Variants in WWOX observed in about 807,000 individuals in gnomAD.
WWOX encodes WW domain-containing oxidoreductase.
WWOX carries 69 observed loss-of-function variants against 46.2 expected under a neutral mutation model. That is an observed-to-expected ratio of 1.49 (90% confidence interval 1.23 to 1.82). The LOEUF is 1.82. WWOX is among the 40% of genes most tolerant of loss of function. The pLI is 0.00. For missense variants in WWOX, 919 were observed against 542.6 expected (o/e 1.69, Z -6.89); for synonymous variants, 359 against 202.6 (o/e 1.77, Z -6.56).
At chr16:78,700,960 G>T (rs1467151631) in intron 8 of WWOX, among the ~76,000 whole-genome samples, 1 of 152,194 alleles carries the variant, frequency 6.6e-6, no homozygotes, top group Admixed American at 6.5e-5. Flanking sequence ...CTCTCAGTGG[G>T]TGTTGTAGGG....
intron 8 of WWOX, among the ~76,000 whole-genome samples, chr16:78,817,036 A>G (rs111743225): frequency 0.044 from 6,736 of 152,174 alleles, 190 homozygotes; most frequent in Non-Finnish European, 0.064. Flanking sequence ...TTTTGATCCC[A>G]CAGTCTGAAG....
chr16:78,436,645 G>A lies in WWOX; in HGVS notation c.1056+3893G>A, dbSNP rs182695250. Among the ~76,000 whole-genome samples, 327 of 152,252 alleles carry A rather than the reference G, an allele frequency of 2.1e-3. 1 individual carries two copies. The highest frequency in any genetic ancestry group is 3.9e-3 in the Non-Finnish European group (268 of 68,020). On this transcript the variant is annotated intron_variant, in intron 8 of 8. Coordinates refer to ENST00000566780, the MANE Select transcript of WWOX (RefSeq NM_016373.4). ...GTAATACGTCACTTCATGCAGAGGT[G>A]GAATTGGCGCTCTGAGCTTGCTTGT... is the stretch of plus-strand genomic sequence containing the variant.
chr16:78,750,704 C>T (rs931488757), intron 8 of WWOX, among the ~76,000 whole-genome samples: 9 of 152,166 alleles, frequency 5.9e-5, no homozygotes, highest in South Asian at 2.1e-4. Flanking sequence ...CCCATGTGTA[C>T]GCAGTGTTGA....
At chr16:78,519,786 C>G (rs563513139) in intron 8 of WWOX, among the ~76,000 whole-genome samples, 1 of 152,096 alleles carries the variant, frequency 6.6e-6, no homozygotes, top group Non-Finnish European at 1.5e-5. Flanking sequence ...CCAGAGTGGA[C>G]CCTTACCCAA....
At chr16:78,985,593 A>T (rs2046769151) in intron 8 of WWOX, among the ~76,000 whole-genome samples, 1 of 152,182 alleles carries the variant, frequency 6.6e-6, no homozygotes, top group Non-Finnish European at 1.5e-5. Flanking sequence ...ACATGGTGAA[A>T]CCCAGTCTCT....
At chr16:79,138,984 C>T (rs1014073551) in intron 8 of WWOX, among the ~76,000 whole-genome samples, 9 of 152,142 alleles carry the variant, frequency 5.9e-5, no homozygotes, top group African/African-American at 9.7e-5. Flanking sequence ...ACACATATAA[C>T]TCCCTTTAGT....
rs73571055 is a variant in WWOX, at chr16:78,410,755, G to A, written c.606-14115G>A. Among the ~76,000 whole-genome samples, 1,436 of 145,488 alleles carry A rather than the reference G, an allele frequency of 9.9e-3. 23 individuals are homozygous for A. Among genetic ancestry groups the A allele is most frequent in the African/African-American group, 0.034 (1,302 of 38,800 alleles). On this transcript the variant is annotated intron_variant, in intron 6 of 8. Transcript: ENST00000566780. ...CAGGAGGCGGAGGTTGTGGTCAACTGAGATCACACCACTGCACTCCAGCCT... is the reference window on the plus strand; with the variant it reads ...CAGGAGGCGGAGGTTGTGGTCAACTAAGATCACACCACTGCACTCCAGCCT...
intron 8 of WWOX, among the ~76,000 whole-genome samples, chr16:78,939,125 T>G (rs1287814479): frequency 6.6e-6 from 1 of 152,192 alleles, no homozygotes; most frequent in Non-Finnish European, 1.5e-5. Context: ...TTCTGCCCAT[T>G]GACTTGGGCT....
At chr16:78,674,670 A>G (rs2047549107) in intron 8 of WWOX, among the ~76,000 whole-genome samples, 3 of 152,128 alleles carry the variant, frequency 2.0e-5, no homozygotes, top group Non-Finnish European at 2.9e-5. Context: ...CTGCCCCATA[A>G]CCTAACCTGT....
intron 8 of WWOX, among the ~76,000 whole-genome samples, chr16:78,644,465 T>TG (rs141581385): frequency 0.051 from 7,696 of 152,144 alleles, 271 homozygotes; most frequent in Non-Finnish European, 0.076. Context: ...GGCCCTTATT[T>TG]TTTTTTTCTT....
At chr16:78,464,100 G>T (rs143497654) in intron 8 of WWOX, among the ~76,000 whole-genome samples, 1 of 152,128 alleles carries the variant, frequency 6.6e-6, no homozygotes, top group African/African-American at 2.4e-5. Context: ...GACCTGGGAA[G>T]GGCTCTGACC....
At chr16:78,668,395 C>G (rs1597419016) in intron 8 of WWOX, among the ~76,000 whole-genome samples, 1 of 152,218 alleles carries the variant, frequency 6.6e-6, no homozygotes, top group South Asian at 2.1e-4. Context: ...GCAAGGACCA[C>G]AAGATAAATG....
chr16:78,105,140 C>A (rs1021958128), intron 1 of WWOX, among the ~76,000 whole-genome samples: 1 of 152,142 alleles, frequency 6.6e-6, no homozygotes, highest in African/African-American at 2.4e-5. Flanking sequence ...GGGCAGAGGC[C>A]AGTGGTGCCC....
chr16:78,765,116 T>G (rs535561493), intron 8 of WWOX, among the ~76,000 whole-genome samples: 6 of 152,154 alleles, frequency 3.9e-5, no homozygotes, highest in Admixed American at 2.6e-4. Flanking sequence ...TGCGGGGATG[T>G]GGTAGGGTGA....
chr16:78,985,174 G>A (rs1256106719), intron 8 of WWOX, among the ~76,000 whole-genome samples: 5 of 152,138 alleles, frequency 3.3e-5, no homozygotes, highest in East Asian at 3.9e-4. Context: ...CCATGACATC[G>A]GCATGCGATT....
chr16:79,112,599 C>T (rs1424961688), intron 8 of WWOX, among the ~76,000 whole-genome samples: 1 of 152,202 alleles, frequency 6.6e-6, no homozygotes, highest in Admixed American at 6.5e-5. Context: ...CTGATCTTTT[C>T]ATCTCGGTTT....
chr16:78,822,842 G>A (rs1474332009), intron 8 of WWOX, among the ~76,000 whole-genome samples: 1 of 151,722 alleles, frequency 6.6e-6, no homozygotes, highest in Non-Finnish European at 1.5e-5. Context: ...TCCTAAAGAA[G>A]AGTCATTTGT....
At chr16:78,532,741 A>C (rs575804636) in intron 8 of WWOX, among the ~76,000 whole-genome samples, 1 of 152,060 alleles carries the variant, frequency 6.6e-6, no homozygotes, top group Non-Finnish European at 1.5e-5. Context: ...CTCCCTTATG[A>C]TACCGTCAGA....
At chr16:79,196,472 G>A (rs1433144238) in intron 8 of WWOX, 1 of 152,124 alleles carries the variant, frequency 6.6e-6, no homozygotes, top group Non-Finnish European at 1.5e-5. Flanking sequence ...GGTTATCTCT[G>A]CTCACTTAGG....
Sources: allele counts gnomAD v4.1 joint callset (sites outside exome capture counted in the v4.1 genomes callset), GRCh38; gene constraint gnomAD v4.1.1; transcripts MANE v1.5; gene names NCBI Gene and HGNC (gene_info 2026-07-23, HGNC 2026-07-21).